Variants in ADARB2 observed in about 807,000 individuals in gnomAD.
The protein encoded by ADARB2 is adenosine deaminase RNA specific B2 (inactive).
Under a neutral mutation model 62.2 loss-of-function variants are expected in ADARB2, and 25 were observed. The ratio of observed to expected loss-of-function variants is 0.40; its 90% CI spans 0.29 to 0.56. The LOEUF is 0.56. Among genes scored for constraint, ADARB2 ranks in the 20% least tolerant of loss-of-function variants. ADARB2 has a pLI of 0.43. For synonymous variants in ADARB2, 572 were observed against 500.8 expected, an observed-to-expected ratio of 1.14 and a Z score of -1.90; for missense variants, 1,071 against 1,077.4, an observed-to-expected ratio of 0.99 and a Z score of 0.08.
intron 7 of ADARB2, among the ~76,000 whole-genome samples, chr10:1,213,658 G>A (rs553272264): frequency 4.6e-5 from 7 of 152,328 alleles, no homozygotes; most frequent in South Asian, 2.1e-4. Flanking sequence ...CCAGAGCCAC[G>A]GGTGTGACAA....
intron 1 of ADARB2, among the ~76,000 whole-genome samples, chr10:1,490,547 T>G (rs1243415578): frequency 6.6e-6 from 1 of 152,108 alleles, no homozygotes; most frequent in Non-Finnish European, 1.5e-5. Context: ...CTCTGCCTCC[T>G]GGGTTCAAAT....
At chr10:1,420,360 G>C (rs1019410470) in intron 1 of ADARB2, among the ~76,000 whole-genome samples, 1 of 152,210 alleles carries the variant, frequency 6.6e-6, no homozygotes, top group Non-Finnish European at 1.5e-5. Context: ...TGTCAGGCCA[G>C]CGCAGCCACG....
chr10:1,370,209 T>A (rs1832356196), intron 2 of ADARB2, among the ~76,000 whole-genome samples: 1 of 152,110 alleles, frequency 6.6e-6, no homozygotes, highest in Non-Finnish European at 1.5e-5. Context: ...AAACATAGGG[T>A]CATCTCGACA....
intron 1 of ADARB2, among the ~76,000 whole-genome samples, chr10:1,589,157 C>T (rs1457053421): frequency 1.3e-5 from 2 of 152,216 alleles, no homozygotes; most frequent in Non-Finnish European, 2.9e-5. Flanking sequence ...CCTTTCACAT[C>T]GGAAAGACCC....
chr10:1,576,671 G>A (rs1463698717), intron 1 of ADARB2, among the ~76,000 whole-genome samples: 5 of 152,102 alleles, frequency 3.3e-5, no homozygotes, highest in African/African-American at 1.2e-4. Flanking sequence ...TGTAGTGAGC[G>A]GAGGGGCGCT....
At chr10:1,344,875 G>T (rs930954127) in intron 3 of ADARB2, among the ~76,000 whole-genome samples, 1 of 152,192 alleles carries the variant, frequency 6.6e-6, no homozygotes, top group Admixed American at 6.5e-5. Context: ...GCCCACACCC[G>T]TGTGCCCGCT....
intron 3 of ADARB2, among the ~76,000 whole-genome samples, chr10:1,349,728 C>T (rs1215598984): frequency 6.6e-6 from 1 of 152,154 alleles, no homozygotes. Flanking sequence ...TATCCATTGA[C>T]CCAAAACTCC....
intron 1 of ADARB2, among the ~76,000 whole-genome samples, chr10:1,465,727 C>A (rs944048561): frequency 2.0e-5 from 3 of 152,224 alleles, no homozygotes; most frequent in African/African-American, 7.2e-5. Flanking sequence ...GCATGGACAG[C>A]TACTGCATGT....
intron 3 of ADARB2, among the ~76,000 whole-genome samples, chr10:1,289,160 C>G (rs896713509): frequency 6.6e-6 from 1 of 152,214 alleles, no homozygotes; most frequent in Non-Finnish European, 1.5e-5. Flanking sequence ...CTAACCCAGA[C>G]CTTCCTTTCT....
intron 1 of ADARB2, among the ~76,000 whole-genome samples, chr10:1,519,306 G>A (rs1832045552): frequency 6.6e-6 from 1 of 152,116 alleles, no homozygotes; most frequent in Admixed American, 6.5e-5. Flanking sequence ...TCTGCATGTG[G>A]TATTGTCATA....
chr10:1,185,127 G>T, intron 8 of ADARB2, 88 bp from the exon 9 acceptor site: 1 of 1,448,152 alleles, frequency 6.9e-7, no homozygotes, highest in Non-Finnish European at 9.3e-7. Flanking sequence ...AATGGAGCCT[G>T]TATGTGAGTG....
At position 1,426,474 on chromosome 10, in the gene ADARB2, C is replaced by T. The variant is rs11250507; in HGVS notation, c.101-47314G>A. Among the ~76,000 whole-genome samples the T allele has an allele frequency of 9.4e-4, 143 of 152,274 alleles. 2 individuals are homozygous for T. The East Asian group carries it at 0.023, about 25-fold the overall frequency. ...TTGGAGAACACAGTCAGCATGCACA[C>T]ACATCATTCTTCAGGTGCAGTTATG... On this transcript the variant is annotated intron_variant, in intron 1 of 9. Transcript: ENST00000381312. The surrounding 1 kb of genome is among the most constrained non-coding windows in gnomAD (Gnocchi z 4.1).
rs78667574 is a variant in ADARB2 at position 1,597,624 on chromosome 10, G to A, written c.100+139427C>T. On this transcript the variant is annotated intron_variant, in intron 1 of 9. Transcript: ENST00000381312. ...GTTATTAAAAAGTCAATGAACAACA[G>A]ATGCTGGTGAGCTTGTGAAGCAAAG... 2.4e-3 allele frequency among the ~76,000 whole-genome samples: 372 copies of A among 152,348 alleles called. 11 individuals are homozygous for A. In the East Asian group the frequency reaches 0.057, roughly 24 times the overall value.
chr10:1,214,254 G>A (rs1009146818), intron 7 of ADARB2, among the ~76,000 whole-genome samples: 19 of 150,552 alleles, frequency 1.3e-4, no homozygotes, highest in East Asian at 3.9e-4. Flanking sequence ...ACCTGCCAGC[G>A]TTGCATGGGT....
chr10:1,646,641 G>C (rs1432162847), intron 1 of ADARB2, among the ~76,000 whole-genome samples: 2 of 152,248 alleles, frequency 1.3e-5, no homozygotes, highest in African/African-American at 4.8e-5. Context: ...CAGGGCTCTG[G>C]ACTCAAATCC....
At chr10:1,656,311 C>T (rs1423450741) in intron 1 of ADARB2, among the ~76,000 whole-genome samples, 1 of 152,198 alleles carries the variant, frequency 6.6e-6, no homozygotes, top group Non-Finnish European at 1.5e-5. Flanking sequence ...GGACTCATGG[C>T]GTCTCCTCCA....
chr10:1,183,250 G>A lies in ADARB2; in HGVS notation c.2163C>T (p.Gly721=), dbSNP rs201879769. ...GTGGTTTCCTCACCCAGGTGCCCAG[G>A]CCAGCCTTCTGAAAGGCCTTGAACA... is the stretch of plus-strand genomic sequence containing the variant. ...QQLFKAFQKA[G]LGTWVRKPPE... Residue 721 remains glycine (G), a synonymous_variant, in exon 10 of 10, where the codon GGC becomes GGT. Transcript: ENST00000381312. 7 of 1,614,084 alleles carry A rather than the reference G, an allele frequency of 4.3e-6. No individual in the cohort carries two copies. In the Admixed American group the frequency reaches 1.2e-4, roughly 27 times the overall value.
chr10:1,695,931 CAT>C (rs529645006), intron 1 of ADARB2, among the ~76,000 whole-genome samples: 2 of 152,036 alleles, frequency 1.3e-5, no homozygotes, highest in Non-Finnish European at 2.9e-5. Context: ...TGAAAGTGTG[CAT>C]ATGTGTATGC....
chr10:1,616,597 G>T (rs1833638328), intron 1 of ADARB2, among the ~76,000 whole-genome samples: 1 of 141,234 alleles, frequency 7.1e-6, no homozygotes, highest in Non-Finnish European at 1.5e-5. Flanking sequence ...TGCATCCTGG[G>T]AACTGGCCTC....
Sources: allele counts gnomAD v4.1 joint callset (sites outside exome capture counted in the v4.1 genomes callset), GRCh38; gene constraint gnomAD v4.1.1; non-coding constraint Gnocchi (gnomAD v3.1); transcripts MANE v1.5; gene names NCBI Gene and HGNC (gene_info 2026-07-23, HGNC 2026-07-21).